The following RELN variants were observed in gnomAD, a reference collection of about 807,000 sequenced individuals.
The protein encoded by RELN is reelin.
RELN carries 108 observed loss-of-function variants against 427.6 expected under a neutral mutation model. The observed-to-expected ratio is 0.25, with a 90% confidence interval of 0.22 to 0.30. The LOEUF (loss-of-function observed/expected upper bound fraction) is 0.30. RELN is among the 10% of genes least tolerant of loss of function. RELN has a pLI of 1.00. For missense variants in RELN, 3,715 were observed against 4,302.8 expected (o/e 0.86, Z 3.82); for synonymous variants, 1,524 against 1,513.4 (o/e 1.01, Z -0.16).
At chr7:103,718,634 C>T (rs1790001619) in intron 8 of RELN, among the ~76,000 whole-genome samples, 1 of 152,156 alleles carries the variant, frequency 6.6e-6, no homozygotes, top group Non-Finnish European at 1.5e-5. Context: ...TGCATCACAT[C>T]AGTTTAACAC....
chr7:103,564,528 G>A (rs1207418350), intron 34 of RELN, among the ~76,000 whole-genome samples: 14 of 152,198 alleles, frequency 9.2e-5, no homozygotes, highest in Admixed American at 7.9e-4. Context: ...AGCCACAGAA[G>A]TTGGCCAAGA....
chr7:103,666,457 A>G (rs1432531541), intron 11 of RELN, among the ~76,000 whole-genome samples: 1 of 152,124 alleles, frequency 6.6e-6, no homozygotes, highest in African/African-American at 2.4e-5. Context: ...AATCTTTTAA[A>G]TCATTTAATC....
At chr7:103,648,757 T>C (rs553121822) in intron 16 of RELN, among the ~76,000 whole-genome samples, 3 of 151,882 alleles carry the variant, frequency 2.0e-5, no homozygotes, top group Non-Finnish European at 2.9e-5. Context: ...AAACGTATAG[T>C]TCCATTAAAA....
chr7:103,887,861 T>C (rs1436280122), intron 2 of RELN, among the ~76,000 whole-genome samples: 1 of 152,086 alleles, frequency 6.6e-6, no homozygotes, highest in African/African-American at 2.4e-5. Context: ...CCCTTTGACA[T>C]TTTCAGAAGA....
intron 44 of RELN, 83 bp from the exon 45 acceptor site, chr7:103,539,410 G>C (rs1830127819): frequency 6.2e-6 from 9 of 1,455,398 alleles, no homozygotes; most frequent in African/African-American, 1.4e-5. Flanking sequence ...TTGTTTGTTT[G>C]TTTGTTTTGA....
chr7:103,664,922 G>A (rs181564203), intron 11 of RELN, among the ~76,000 whole-genome samples: 120 of 151,930 alleles, frequency 7.9e-4, no homozygotes, highest in East Asian at 2.5e-3. Context: ...TTTATGTGTC[G>A]TTGGATGTAT....
intron 2 of RELN, among the ~76,000 whole-genome samples, chr7:103,895,408 A>C (rs1263170646): frequency 6.6e-6 from 1 of 152,122 alleles, no homozygotes; most frequent in Non-Finnish European, 1.5e-5. Context: ...ATTTCTGCCT[A>C]GTTTACCATC....
rs146208912 is a variant in RELN at position 103,921,798 on chromosome 7, T to A, written c.227-4613A>T. 5.1e-4 allele frequency among the ~76,000 whole-genome samples: 77 copies of A among 152,170 alleles called. No individual in the cohort carries two copies. In the East Asian group the frequency reaches 0.013, roughly 26 times the overall value. ...AAGGATGTTAACTGGATTAAACAGT[T>A]AAACCAGAACACGTTCTATACTTCT... On this transcript the variant is annotated intron_variant, in intron 1 of 64. Transcript: ENST00000428762.
At chr7:103,675,791 G>A (rs1020666847) in intron 11 of RELN, among the ~76,000 whole-genome samples, 1 of 152,190 alleles carries the variant, frequency 6.6e-6, no homozygotes. Flanking sequence ...ATGGGGAAAA[G>A]ATTCCCTATT....
chr7:103,541,868 T>G (rs1830184750), intron 43 of RELN, among the ~76,000 whole-genome samples: 1 of 152,230 alleles, frequency 6.6e-6, no homozygotes, highest in African/African-American at 2.4e-5. Context: ...GTGTAATTAT[T>G]TCACAGAACT....
intron 46 of RELN, among the ~76,000 whole-genome samples, chr7:103,530,079 C>T (rs1829906870): frequency 6.6e-6 from 1 of 152,134 alleles, no homozygotes; most frequent in Non-Finnish European, 1.5e-5. Context: ...TGCAGTTTTA[C>T]AGCATTGCCT....
At chr7:103,510,770 A>G (rs1281055113) in intron 51 of RELN, 81 bp downstream of exon 51, 7 of 1,171,914 alleles carry the variant, frequency 6.0e-6, no homozygotes, top group Non-Finnish European at 8.8e-6. Flanking sequence ...TCAATGAAAT[A>G]TTAGATCATC....
chr7:103,483,197 G>A (rs372797892), intron 62 of RELN, among the ~76,000 whole-genome samples: 1 of 152,078 alleles, frequency 6.6e-6, no homozygotes, highest in Non-Finnish European at 1.5e-5. Flanking sequence ...CCTTTCCCTT[G>A]TTCCATTAAT....
At chr7:103,514,596 T>G (rs867534208) in intron 50 of RELN, among the ~76,000 whole-genome samples, 1 of 151,470 alleles carries the variant, frequency 6.6e-6, no homozygotes, top group Admixed American at 6.6e-5. Context: ...GAGGCGGAGG[T>G]TGCAGTGAGC....
intron 41 of RELN, among the ~76,000 whole-genome samples, 155 bp from the exon 42 acceptor site, chr7:103,545,499 C>A (rs899089916): frequency 3.9e-5 from 6 of 152,198 alleles, no homozygotes; most frequent in African/African-American, 1.4e-4. Flanking sequence ...AACTCCATTC[C>A]TCAATCTCCA....
At chr7:103,790,263 C>T (rs1353043797) in intron 3 of RELN, among the ~76,000 whole-genome samples, 2 of 152,018 alleles carry the variant, frequency 1.3e-5, no homozygotes. Flanking sequence ...CAGCAAACCA[C>T]CATGGCACAT....
At chr7:103,751,673 C>T (rs1791005887) in intron 5 of RELN, among the ~76,000 whole-genome samples, 1 of 152,272 alleles carries the variant, frequency 6.6e-6, no homozygotes, top group Non-Finnish European at 1.5e-5. Context: ...CACTGCGGGT[C>T]ACCAGCCTGT....
chr7:103,838,304 C>T (rs1424526823), intron 2 of RELN, among the ~76,000 whole-genome samples: 1 of 140,074 alleles, frequency 7.1e-6, no homozygotes, highest in East Asian at 2.1e-4. Context: ...GGAAAAAAAA[C>T]AGAAATTATA....
chr7:103,620,536 C>T lies in RELN; in HGVS notation c.2703-8733G>A, dbSNP rs941410327. Reference sequence around the variant, plus strand: ...CGCCCAGGCTGGAGTAACAGTGGCACGATCTTGGCTCACTGCAGCCTCTGC... The same window carrying T: ...CGCCCAGGCTGGAGTAACAGTGGCATGATCTTGGCTCACTGCAGCCTCTGC... On this transcript the variant is annotated intron_variant, in intron 20 of 64. Transcript: ENST00000428762. This position sits in a 1 kb window ranked among gnomAD's most constrained non-coding sequence, Gnocchi z 4.1. Among the ~76,000 whole-genome samples, 13 of 151,064 alleles carry T rather than the reference C, an allele frequency of 8.6e-5. No homozygotes were observed. In the East Asian group the frequency reaches 9.8e-4, roughly 11 times the overall value.
Sources: allele counts gnomAD v4.1 joint callset (sites outside exome capture counted in the v4.1 genomes callset), GRCh38; gene constraint gnomAD v4.1.1; non-coding constraint Gnocchi (gnomAD v3.1); transcripts MANE v1.5; gene names NCBI Gene and HGNC (gene_info 2026-07-23, HGNC 2026-07-21).